The following KCNH1 variants were observed in gnomAD, a reference collection of about 807,000 sequenced individuals.
The protein encoded by KCNH1 is voltage-gated delayed rectifier potassium channel KCNH1.
KCNH1 carries 27 observed loss-of-function variants against 69.2 expected under a neutral mutation model. That is an observed-to-expected ratio of 0.39 (90% CI 0.29 to 0.54). The LOEUF is 0.54. KCNH1 is among the 20% of genes least tolerant of loss of function. The pLI, the probability that KCNH1 is intolerant of heterozygous loss-of-function variation, is 0.68. For missense variants in KCNH1, 798 were observed against 1,261.6 expected (o/e 0.63, Z 5.57); for synonymous variants, 456 against 487.7 (o/e 0.93, Z 0.86).
At chr1:211,022,911 A>C (rs529444155) in intron 5 of KCNH1, among the ~76,000 whole-genome samples, 106 of 152,180 alleles carry the variant, frequency 7.0e-4, no homozygotes, top group Non-Finnish European at 1.1e-3. Flanking sequence ...CAGGAGTTTG[A>C]GACCAGCCTG....
At chr1:210,821,971 G>A (rs1413045364) in intron 7 of KCNH1, among the ~76,000 whole-genome samples, 1 of 151,870 alleles carries the variant, frequency 6.6e-6, no homozygotes, top group Non-Finnish European at 1.5e-5. Flanking sequence ...TGAGTTCCTG[G>A]GGCTACAGGT....
intron 6 of KCNH1, among the ~76,000 whole-genome samples, chr1:210,972,320 T>C (rs1168686240): frequency 2.6e-5 from 4 of 152,136 alleles, no homozygotes; most frequent in African/African-American, 9.6e-5. Flanking sequence ...CAGACTAGAT[T>C]GTGCTTCCTC....
At chr1:211,076,866 A>C (rs1449062931) in intron 5 of KCNH1, among the ~76,000 whole-genome samples, 12 of 152,244 alleles carry the variant, frequency 7.9e-5, no homozygotes, top group Admixed American at 7.8e-4. Flanking sequence ...CCTTGAAAAA[A>C]GATTAGATGA....
chr1:211,033,041 C>T (rs1263527225), intron 5 of KCNH1, among the ~76,000 whole-genome samples: 3 of 152,092 alleles, frequency 2.0e-5, no homozygotes, highest in Non-Finnish European at 4.4e-5. Flanking sequence ...CCAGAATCTA[C>T]AATGAACTCA....
At chr1:211,038,114 C>A (rs12057232) in intron 5 of KCNH1, among the ~76,000 whole-genome samples, 9,249 of 152,066 alleles carry the variant, frequency 0.061, 696 homozygotes, top group African/African-American at 0.18. Context: ...CACCCACCAC[C>A]ACGCCTGGCT....
chr1:211,077,193 A>G (rs1690751498), intron 5 of KCNH1, among the ~76,000 whole-genome samples: 1 of 152,184 alleles, frequency 6.6e-6, no homozygotes. Context: ...TCTGCAGGAT[A>G]TTATCCAGGA....
At chr1:210,870,150 G>T (rs1053548236) in intron 7 of KCNH1, among the ~76,000 whole-genome samples, 1 of 152,068 alleles carries the variant, frequency 6.6e-6, no homozygotes. Flanking sequence ...ATTACCAAAA[G>T]GAGTTTTTTT....
chr1:210,832,240 A>G (rs1022614934), intron 7 of KCNH1, among the ~76,000 whole-genome samples: 1 of 152,202 alleles, frequency 6.6e-6, no homozygotes, highest in Admixed American at 6.5e-5. Context: ...GGTCTGACCA[A>G]AAAGGCTATA....
chr1:210,921,250 G>T (rs929001693), intron 6 of KCNH1, among the ~76,000 whole-genome samples: 2 of 152,164 alleles, frequency 1.3e-5, no homozygotes, highest in African/African-American at 4.8e-5. Flanking sequence ...GTATGCAAGG[G>T]AAGTTTCCGT....
intron 7 of KCNH1, chr1:210,861,147 TG>T (rs1685970308): frequency 2.2e-6 from 2 of 913,846 alleles, no homozygotes; most frequent in East Asian, 4.8e-5. Context: ...TCAAACTTCA[TG>T]CGTATATACT....
chr1:211,117,594 C>A (rs1691604565), intron 1 of KCNH1, among the ~76,000 whole-genome samples: 1 of 152,124 alleles, frequency 6.6e-6, no homozygotes, highest in Admixed American at 6.6e-5. Context: ...ACAATGAAAA[C>A]CAATAGAAGA....
intron 10 of KCNH1, among the ~76,000 whole-genome samples, chr1:210,732,104 G>C (rs1934626): frequency 0.45 from 68,693 of 151,472 alleles, 16,058 homozygotes; most frequent in East Asian, 0.69. Context: ...GAACATCCCA[G>C]ATAACACTAG....
chr1:210,705,887 A>G (rs1031915887), intron 10 of KCNH1, among the ~76,000 whole-genome samples: 1 of 152,206 alleles, frequency 6.6e-6, no homozygotes, highest in African/African-American at 2.4e-5. Context: ...GGCCAGCCCT[A>G]AACAGTGTTC....
chr1:211,000,316 C>G (rs1689149148), intron 6 of KCNH1, among the ~76,000 whole-genome samples: 1 of 152,160 alleles, frequency 6.6e-6, no homozygotes, highest in African/African-American at 2.4e-5. Flanking sequence ...TCAGCAAAGT[C>G]TCAGGATACA....
At chr1:211,090,012 A>G (rs1160303837) in intron 4 of KCNH1, among the ~76,000 whole-genome samples, 2 of 152,228 alleles carry the variant, frequency 1.3e-5, no homozygotes, top group Admixed American at 6.5e-5. Context: ...AAAATCTGTG[A>G]TCACACAACT....
chr1:211,038,996 G>A (rs1689946190), intron 5 of KCNH1, among the ~76,000 whole-genome samples: 1 of 152,200 alleles, frequency 6.6e-6, no homozygotes, highest in Admixed American at 6.5e-5. Flanking sequence ...AATGTCTCCA[G>A]GGAATGTCAG....
chr1:211,070,582 G>T (rs1690623620), intron 5 of KCNH1, among the ~76,000 whole-genome samples: 1 of 151,952 alleles, frequency 6.6e-6, no homozygotes. Context: ...CCAGCACTTT[G>T]GGAGGCCAAG....
At chr1:211,085,835 T>C (rs551829836) in intron 4 of KCNH1, among the ~76,000 whole-genome samples, 1 of 152,286 alleles carries the variant, frequency 6.6e-6, no homozygotes, top group African/African-American at 2.4e-5. Flanking sequence ...ACTCCTATTG[T>C]CCAAAAGGCC....
At chr1:210,792,948 T>C (rs10863856) in intron 9 of KCNH1, among the ~76,000 whole-genome samples, 20,044 of 152,138 alleles carry the variant, frequency 0.13, 1,535 homozygotes, top group East Asian at 0.36. Flanking sequence ...TAACTACTTA[T>C]ATGCAGATGC....
Sources: gnomAD v4.1 joint callset for allele counts (sites outside exome capture counted in the v4.1 genomes callset) on GRCh38, gnomAD v4.1.1 for gene constraint, MANE v1.5 for transcripts, NCBI Gene and HGNC (gene_info 2026-07-23, HGNC 2026-07-21) for gene names.